AGPAT3: variants seen among roughly 807,000 people sequenced by gnomAD.
AGPAT3 encodes the protein 1-acylglycerol-3-phosphate O-acyltransferase 3.
In AGPAT3, 5 loss-of-function variants were observed where a neutral mutation model predicts 47.3. That is an observed-to-expected ratio of 0.11 (90% CI 0.06 to 0.22). The LOEUF is 0.22. Ranked by LOEUF, AGPAT3 falls within the 10% of genes least tolerant of loss-of-function variation. The probability of loss-of-function intolerance (pLI) is 1.00; values close to 1 mark genes in which losing one functional copy is unlikely to be tolerated. For synonymous variants in AGPAT3, 212 were observed against 208.3 expected (o/e 1.02, Z -0.15); for missense variants, 315 against 493.0 (o/e 0.64, Z 3.42).
intron 1 of AGPAT3, among the ~76,000 whole-genome samples, chr21:43,869,315 G>A (rs546621861): frequency 2.0e-5 from 3 of 152,336 alleles, no homozygotes; most frequent in South Asian, 4.1e-4. Flanking sequence ...TTAGGCCATT[G>A]TCCTAGTCTA....
At chr21:43,890,926 C>T (rs1159419258) in intron 1 of AGPAT3, among the ~76,000 whole-genome samples, 1 of 151,944 alleles carries the variant, frequency 6.6e-6, no homozygotes, top group Non-Finnish European at 1.5e-5. Context: ...TTAGTAGAGA[C>T]GGGGTTTTGC....
chr21:43,969,469 G>C (rs1294102337), intron 5 of AGPAT3, among the ~76,000 whole-genome samples, 190 bp downstream of exon 5: 1 of 152,196 alleles, frequency 6.6e-6, no homozygotes, highest in African/African-American at 2.4e-5. Context: ...CCACCTGCTT[G>C]CTACTCGCCG....
chr21:43,875,358 G>T (rs2085711552), intron 1 of AGPAT3, among the ~76,000 whole-genome samples: 1 of 152,128 alleles, frequency 6.6e-6, no homozygotes, highest in Non-Finnish European at 1.5e-5. Context: ...TTTGCTTTTA[G>T]GAATTTTTCC....
At chr21:43,869,028 A>T (rs1181006400) in intron 1 of AGPAT3, among the ~76,000 whole-genome samples, 1 of 152,224 alleles carries the variant, frequency 6.6e-6, no homozygotes, top group Non-Finnish European at 1.5e-5. Context: ...AGACTAAGTC[A>T]TTGGCTTCAC....
chr21:43,898,358 A>G (rs1243986712), intron 1 of AGPAT3, among the ~76,000 whole-genome samples: 3 of 151,902 alleles, frequency 2.0e-5, no homozygotes, highest in Admixed American at 2.0e-4. Context: ...GCCCTCCACC[A>G]GTTTGGATGT....
At chr21:43,896,413 C>T (rs2086218682) in intron 1 of AGPAT3, among the ~76,000 whole-genome samples, 1 of 152,210 alleles carries the variant, frequency 6.6e-6, no homozygotes, top group African/African-American at 2.4e-5. Flanking sequence ...TTCTGTTCTG[C>T]AGTGGTAGGG....
chr21:43,901,599 C>T (rs1476474607), intron 1 of AGPAT3, among the ~76,000 whole-genome samples: 1 of 151,912 alleles, frequency 6.6e-6, no homozygotes, highest in East Asian at 1.9e-4. Flanking sequence ...CCTGGACAAC[C>T]CCATCTGTAC....
chr21:43,951,566 C>A (rs1013116756), intron 2 of AGPAT3, among the ~76,000 whole-genome samples: 7 of 152,168 alleles, frequency 4.6e-5, no homozygotes, highest in Non-Finnish European at 8.8e-5. Flanking sequence ...AGGTCCCATC[C>A]CAGCTCTGCC....
In AGPAT3 at chr21:43,986,988, C is replaced by T. The variant is rs1342994415; in HGVS notation, c.*4596C>T. 6.6e-6 allele frequency among the ~76,000 whole-genome samples: 1 copy of T among 152,184 alleles called. No individual in the cohort carries two copies. The highest frequency in any genetic ancestry group is 1.9e-4 in the East Asian group (1 of 5,202). On this transcript the variant is annotated 3_prime_UTR_variant, in exon 10 of 10. Coordinates refer to ENST00000291572, the MANE Select transcript of AGPAT3 (RefSeq NM_020132.5). ...GTCCCAAAGGCCTGGCTGCGTTTGCCGTGCTGTGCGAGGACCTGTGTACAC... is the reference window on the plus strand; with the variant it reads ...GTCCCAAAGGCCTGGCTGCGTTTGCTGTGCTGTGCGAGGACCTGTGTACAC...
intron 2 of AGPAT3, among the ~76,000 whole-genome samples, chr21:43,929,349 A>T (rs1201287035): frequency 6.6e-6 from 1 of 152,078 alleles, no homozygotes; most frequent in African/African-American, 2.4e-5. Flanking sequence ...CCCCATGTGG[A>T]TTGGAAGGAC....
intron 7 of AGPAT3, among the ~76,000 whole-genome samples, chr21:43,971,726 A>G (rs1422773270): frequency 1.3e-5 from 2 of 152,004 alleles, no homozygotes; most frequent in Non-Finnish European, 2.9e-5. Flanking sequence ...GACACGGGGG[A>G]TGTGTGGGGA....
Position 43,907,034 on chromosome 21 carries a change from T to C in AGPAT3, c.-49+3015T>C, listed in dbSNP as rs939269288. On this transcript the variant is annotated intron_variant, in intron 2 of 9. Transcript: ENST00000291572. Reference sequence around the variant, plus strand: ...AGGGTCTGTTTCTTTTCTTTCTTTTTTTTTTTTTTTTTTTTGAGAGGGGGT... The same window carrying C: ...AGGGTCTGTTTCTTTTCTTTCTTTTCTTTTTTTTTTTTTTTGAGAGGGGGT... 3.2e-4 allele frequency among the ~76,000 whole-genome samples: 47 copies of C among 147,974 alleles called. No homozygotes were observed. In the East Asian group the frequency reaches 3.9e-3, roughly 12 times the overall value.
Position 43,930,296 on chromosome 21 carries a change from G to A in AGPAT3, c.-49+26277G>A, listed in dbSNP as rs1031854209. 2.6e-5 allele frequency among the ~76,000 whole-genome samples: 4 copies of A among 152,132 alleles called. No individual in the cohort carries two copies. Among genetic ancestry groups the A allele is most frequent in the African/African-American group, 4.8e-5 (2 of 41,432 alleles). On this transcript the variant is annotated intron_variant, in intron 2 of 9. Transcript: ENST00000291572. This position sits in a 1 kb window ranked among gnomAD's most constrained non-coding sequence, Gnocchi z 5.0. ...TCTGGTGCCAATACCAATGCAGCCCGGTTCCCTGTCCTGGGCCTGCCAGTG... is the reference window on the plus strand; with the variant it reads ...TCTGGTGCCAATACCAATGCAGCCCAGTTCCCTGTCCTGGGCCTGCCAGTG...
rs919953343 is a variant in AGPAT3 at position 43,880,044 on chromosome 21, G to T, written c.-112+14699G>T. 6.6e-6 allele frequency among the ~76,000 whole-genome samples: 1 copy of T among 152,218 alleles called. No homozygotes were observed. The highest frequency in any genetic ancestry group is 1.5e-5 in the Non-Finnish European group (1 of 68,024). ...AAGAACAGGGCAGCATGACTCCGGG[G>T]CGGAGGACGCAGCCCTGCATCCCTT... is the stretch of plus-strand genomic sequence containing the variant. On this transcript the variant is annotated intron_variant, in intron 1 of 9. Coordinates refer to ENST00000291572, the MANE Select transcript of AGPAT3 (RefSeq NM_020132.5). The surrounding 1 kb of genome is among the most constrained non-coding windows in gnomAD (Gnocchi z 4.5).
In AGPAT3 at chr21:43,884,871, C is replaced by T. The variant is rs561956777; in HGVS notation, c.-111-19086C>T. Among the ~76,000 whole-genome samples, 5 of 152,310 alleles carry T rather than the reference C, an allele frequency of 3.3e-5. No homozygotes were observed. In the East Asian group the frequency reaches 7.7e-4, roughly 24 times the overall value. ...AGCCAGGTCAGCATATTGCAAAGCA[C>T]ACGTTGGGCTGCTGCTTGTGTAATT... On this transcript the variant is annotated intron_variant, in intron 1 of 9. Coordinates refer to ENST00000291572, the MANE Select transcript of AGPAT3 (RefSeq NM_020132.5).
intron 1 of AGPAT3, among the ~76,000 whole-genome samples, chr21:43,875,062 C>A (rs1386130582): frequency 6.6e-6 from 1 of 152,114 alleles, no homozygotes; most frequent in Non-Finnish European, 1.5e-5. Context: ...CTCACTGTAA[C>A]CTCCGCCTCC....
At chr21:43,956,791 C>T (rs960390672) in intron 2 of AGPAT3, among the ~76,000 whole-genome samples, 22 of 152,190 alleles carry the variant, frequency 1.4e-4, no homozygotes, top group African/African-American at 4.8e-4. Flanking sequence ...CAGCCCCTTC[C>T]GCGCAGGAAG....
chr21:43,886,264 T>A (rs192833870), intron 1 of AGPAT3, among the ~76,000 whole-genome samples: 1 of 152,064 alleles, frequency 6.6e-6, no homozygotes, highest in African/African-American at 2.4e-5. Flanking sequence ...TTAAAAAAAT[T>A]TTTTTTAAAG....
intron 2 of AGPAT3, among the ~76,000 whole-genome samples, chr21:43,944,393 C>G (rs905272249): frequency 1.3e-5 from 2 of 152,244 alleles, no homozygotes; most frequent in Non-Finnish European, 2.9e-5. Context: ...AAGGTAACAG[C>G]GTGGCCTGTA....
Sources: allele counts gnomAD v4.1 joint callset (sites outside exome capture counted in the v4.1 genomes callset), GRCh38; gene constraint gnomAD v4.1.1; non-coding constraint Gnocchi (gnomAD v3.1); transcripts MANE v1.5; gene names NCBI Gene and HGNC (gene_info 2026-07-23, HGNC 2026-07-21).